Variants in LARP1B observed in about 807,000 individuals in gnomAD.
LARP1B encodes the protein La ribonucleoprotein 1B.
In LARP1B, 76 loss-of-function variants were observed where a neutral mutation model predicts 114.2. The ratio of observed to expected loss-of-function variants is 0.67; its 90% CI spans 0.55 to 0.81. The LOEUF is 0.81. Among genes scored for constraint, LARP1B ranks in the 30% least tolerant of loss-of-function variants. LARP1B has a pLI of 0.00. For missense variants in LARP1B, 1,014 were observed against 1,075.8 expected, an observed-to-expected ratio of 0.94 and a Z score of 0.80; for synonymous variants, 345 against 348.0, an observed-to-expected ratio of 0.99 and a Z score of 0.10.
At position 128,084,635 on chromosome 4, in the gene LARP1B, GGGGAGA is replaced by G. The variant is rs753902483; in HGVS notation, c.358+2350_358+2355del. ...CCGAGAGGGAGAGGGGAGAGGGGAG[GGGGAGA>G]GGGAGAGGGAGAGGGAGAGCGGAAT... On this transcript the variant is annotated intron_variant, in intron 5 of 19. Coordinates refer to ENST00000326639, the MANE Select transcript of LARP1B (RefSeq NM_018078.4). Among the ~76,000 whole-genome samples, 112 of 151,888 alleles carry G rather than the reference GGGGAGA, an allele frequency of 7.4e-4. No homozygotes were observed. In the Middle Eastern group the frequency reaches 0.017, roughly 23 times the overall value.
chr4:128,073,580 T>G (rs1349745656), intron 1 of LARP1B, among the ~76,000 whole-genome samples: 3 of 19,946 alleles, frequency 1.5e-4, no homozygotes, highest in Admixed American at 7.4e-4. Flanking sequence ...TCGTTTTTTT[T>G]TTTTTTTTTT....
chr4:128,198,724 T>C (rs1402890116), intron 15 of LARP1B, among the ~76,000 whole-genome samples: 1 of 152,184 alleles, frequency 6.6e-6, no homozygotes, highest in Non-Finnish European at 1.5e-5. Flanking sequence ...GAACCACTGA[T>C]TTAGATAAAT....
At chr4:128,072,356 A>G (rs1002108632) in intron 1 of LARP1B, among the ~76,000 whole-genome samples, 2 of 152,128 alleles carry the variant, frequency 1.3e-5, no homozygotes, top group Non-Finnish European at 2.9e-5. Context: ...GTACTGGTAT[A>G]TAGTGTCTGT....
chr4:128,075,839 A>C (rs898963181), intron 3 of LARP1B, among the ~76,000 whole-genome samples: 3 of 151,528 alleles, frequency 2.0e-5, no homozygotes, highest in Non-Finnish European at 4.4e-5. Context: ...TAGCCACCAT[A>C]CCTCGCCTAT....
chr4:128,081,615 AC>A (rs1472406707), intron 4 of LARP1B, among the ~76,000 whole-genome samples: 1 of 152,090 alleles, frequency 6.6e-6, no homozygotes, highest in Admixed American at 6.6e-5. Context: ...TTTTAGGCCA[AC>A]TATGGGGATT....
At chr4:128,062,761 G>A (rs1375733286) in intron 1 of LARP1B, among the ~76,000 whole-genome samples, 3 of 136,228 alleles carry the variant, frequency 2.2e-5, no homozygotes, top group Non-Finnish European at 4.6e-5. Flanking sequence ...GGTTTTTAAA[G>A]TGCTTTATGG....
At chr4:128,155,869 C>T in intron 11 of LARP1B, 3 of 1,561,868 alleles carry the variant, frequency 1.9e-6, no homozygotes, top group Non-Finnish European at 2.6e-6. Flanking sequence ...GAAGGAGCGC[C>T]TGGAGCTGGT....
At chr4:128,179,098 A>G (rs891635755) in intron 14 of LARP1B, among the ~76,000 whole-genome samples, 12 of 152,206 alleles carry the variant, frequency 7.9e-5, no homozygotes, top group Admixed American at 6.5e-4. Flanking sequence ...ATTTAAAAAT[A>G]AACAAACAAA....
rs1247660538 is a variant in LARP1B at position 128,098,743 on chromosome 4, A to G, written c.813+413A>G. 3.2e-3 allele frequency among the ~76,000 whole-genome samples: 77 copies of G among 24,336 alleles called. No individual in the cohort carries two copies. In the South Asian group the frequency reaches 0.036, roughly 11 times the overall value. 16.0% of individuals were successfully genotyped at this position (24,336 alleles called of 152,430 possible). ...AAAAAGCATGTGTTCCTGTATATGT[A>G]TGTGTATATATATATATATATATAT... On this transcript the variant is annotated intron_variant, in intron 8 of 19. Transcript: ENST00000326639.
intron 7 of LARP1B, chr4:128,092,817 A>G: frequency 2.0e-6 from 2 of 985,428 alleles, no homozygotes; most frequent in Non-Finnish European, 2.4e-6. Flanking sequence ...TTGTGGGCAG[A>G]AAGTGCTTGA....
chr4:128,206,674 G>C (rs1757684397), intron 18 of LARP1B, 137 bp downstream of exon 18: 1 of 1,379,452 alleles, frequency 7.2e-7, no homozygotes, highest in East Asian at 2.7e-5. Flanking sequence ...TGTGTTTCTT[G>C]ATGAAGGATG....
downstream of LARP1B, among the ~76,000 whole-genome samples, chr4:128,216,682 A>G (rs1191762252): frequency 6.6e-6 from 1 of 150,508 alleles, no homozygotes; most frequent in East Asian, 2.0e-4. Flanking sequence ...AATGCCTACA[A>G]GAGAAAGCAG....
At chr4:128,108,354 T>C (rs1051521378) in intron 9 of LARP1B, 1 of 992,344 alleles carries the variant, frequency 1.0e-6, no homozygotes, top group South Asian at 4.7e-5. Flanking sequence ...TTCAGTGTAG[T>C]GTACATTGTA....
chr4:128,172,464 G>A (rs887799174), intron 12 of LARP1B, among the ~76,000 whole-genome samples: 2 of 152,060 alleles, frequency 1.3e-5, no homozygotes, highest in Non-Finnish European at 2.9e-5. Context: ...AGGCCAAGGC[G>A]GGTGTATCAC....
intron 5 of LARP1B, among the ~76,000 whole-genome samples, chr4:128,090,722 A>T (rs1561153089): frequency 6.6e-6 from 1 of 152,222 alleles, no homozygotes; most frequent in Non-Finnish European, 1.5e-5. Context: ...CTTTAACAGC[A>T]CAATCTTAAT....
intron 9 of LARP1B, among the ~76,000 whole-genome samples, chr4:128,110,361 G>A (rs1048285417): frequency 6.6e-5 from 10 of 151,334 alleles, no homozygotes; most frequent in Admixed American, 2.0e-4. Context: ...GAAGATTAGG[G>A]TTTACTATTA....
chr4:128,077,186 G>A (rs1388746182), intron 3 of LARP1B, among the ~76,000 whole-genome samples: 1 of 152,110 alleles, frequency 6.6e-6, no homozygotes, highest in Non-Finnish European at 1.5e-5. Flanking sequence ...GATGAAGTAT[G>A]TGATCAATCT....
chr4:128,136,299 C>T (rs1196146331), intron 11 of LARP1B, among the ~76,000 whole-genome samples: 5 of 139,474 alleles, frequency 3.6e-5, no homozygotes. Context: ...TCTTAAAAAA[C>T]AAATAACAGT....
rs1747223665 is a variant in LARP1B at position 128,178,593 on chromosome 4, C to T, written c.1847C>T (p.Thr616Ile). The T allele has an allele frequency of 6.2e-7, 1 of 1,614,056 alleles. No homozygotes were observed. Among genetic ancestry groups the T allele is most frequent in the Non-Finnish European group, 8.5e-7 (1 of 1,179,988 alleles). ...CCTAGGTTACAAGATCCTAACAAAA[C>T]ACCAAGATTTTATCCTGTTGTTAAA... Reference protein sequence around the residue: ...RTPRLQDPNKTPRFYPVVKEP... With the variant: ...RTPRLQDPNKIPRFYPVVKEP... The change falls in exon 14 of 20, where the codon ACA becomes ATA. Residue 616 changes from threonine to isoleucine, a missense_variant. By Grantham distance (89) the Thr-to-Ile change is moderately conservative (BLOSUM62 -1). Coordinates refer to ENST00000326639, the MANE Select transcript of LARP1B (RefSeq NM_018078.4).
Sources: allele counts gnomAD v4.1 joint callset (sites outside exome capture counted in the v4.1 genomes callset), GRCh38; gene constraint gnomAD v4.1.1; transcripts MANE v1.5; gene names NCBI Gene and HGNC (gene_info 2026-07-23, HGNC 2026-07-21).